TENM1: variants seen among roughly 807,000 people sequenced by gnomAD.
TENM1 encodes the protein teneurin-1.
TENM1 carries 35 observed loss-of-function variants against 174.8 expected under a neutral mutation model. The observed-to-expected ratio is 0.20, with a 90% CI of 0.15 to 0.27. The LOEUF (loss-of-function observed/expected upper bound fraction) is 0.27, where lower values mean the gene tolerates loss of function less well. Ranked by LOEUF, TENM1 falls within the 10% of genes least tolerant of loss-of-function variation. TENM1 has a pLI of 1.00. For synonymous variants in TENM1, 781 were observed against 798.7 expected (o/e 0.98, Z 0.37); for missense variants, 1,633 against 2,130.1 (o/e 0.77, Z 4.59).
At chrX:124,885,472 TA>T (rs1215825277) in intron 3 of TENM1, among the ~76,000 whole-genome samples, 2 of 111,018 alleles carry the variant, frequency 1.8e-5, no homozygotes, top group African/African-American at 3.3e-5. Flanking sequence ...TATAGTTAAT[TA>T]TGTTACATCT....
the TENM1 span, among the ~76,000 whole-genome samples, chrX:125,124,380 G>T: frequency 8.9e-6 from 1 of 111,842 alleles, no homozygotes; most frequent in African/African-American, 3.2e-5. Context: ...TTTTAAAAAT[G>T]ACTATGACTG....
chrX:124,690,159 C>G (rs1187395705), intron 5 of TENM1, among the ~76,000 whole-genome samples: 1 of 111,185 alleles, frequency 9.0e-6, no homozygotes, highest in Non-Finnish European at 1.9e-5. Context: ...CAATTACCAC[C>G]ATTCTTCTTT....
At chrX:125,056,701 A>C in the TENM1 span, among the ~76,000 whole-genome samples, 1 of 111,676 alleles carries the variant, frequency 9.0e-6, no homozygotes, top group Admixed American at 9.6e-5. Flanking sequence ...CCAGCACAGT[A>C]GAATTCATAC....
intron 29 of TENM1, 29 bp downstream of exon 32, chrX:124,385,648 G>A: frequency 8.6e-7 from 1 of 1,163,093 alleles, no homozygotes; most frequent in East Asian, 3.0e-5. Context: ...TGATGTTGTT[G>A]TACACACCAC....
At chrX:124,925,394 T>C (rs1011520327) in intron 1 of TENM1, among the ~76,000 whole-genome samples, 7 of 111,449 alleles carry the variant, frequency 6.3e-5, no homozygotes, top group African/African-American at 2.3e-4. Context: ...TGATTCCACA[T>C]TGGCAGAATT....
the TENM1 span, among the ~76,000 whole-genome samples, chrX:125,088,490 C>T: frequency 9.0e-6 from 1 of 110,815 alleles, no homozygotes; most frequent in Admixed American, 9.6e-5. Context: ...AGGGGAAACT[C>T]CATGGAATGG....
chrX:124,916,088 T>A (rs2057918501), intron 1 of TENM1, among the ~76,000 whole-genome samples: 1 of 111,640 alleles, frequency 9.0e-6, no homozygotes, highest in Non-Finnish European at 1.9e-5. Context: ...CTTACAGTGA[T>A]TCCCCCAGTG....
intron 23 of TENM1, among the ~76,000 whole-genome samples, chrX:124,441,708 ATTG>A (rs2060904126): frequency 8.9e-6 from 1 of 112,415 alleles, no homozygotes; most frequent in Admixed American, 9.4e-5. Flanking sequence ...TTGCTGCTCT[ATTG>A]TTGTGGTCCA....
At chrX:125,099,222 T>G in the TENM1 span, among the ~76,000 whole-genome samples, 23 of 111,862 alleles carry the variant, frequency 2.1e-4, no homozygotes, top group Non-Finnish European at 4.1e-4. Flanking sequence ...TCTGTTTGGG[T>G]TTTTTTGTAT....
chrX:124,754,063 G>C (rs2054159379), intron 3 of TENM1, among the ~76,000 whole-genome samples: 1 of 111,593 alleles, frequency 9.0e-6, no homozygotes, highest in Admixed American at 9.5e-5. Context: ...AGAAGGAATG[G>C]TACCAGTTCC....
intron 1 of TENM1, among the ~76,000 whole-genome samples, chrX:124,947,465 T>C (rs766501381): frequency 2.7e-5 from 3 of 111,816 alleles, no homozygotes; most frequent in Non-Finnish European, 5.7e-5. Context: ...TCCTTCTCCA[T>C]GCCTCAATTT....
At chrX:124,564,186 G>C (rs915275092) in intron 12 of TENM1, among the ~76,000 whole-genome samples, 10 of 111,545 alleles carry the variant, frequency 9.0e-5, no homozygotes, top group Non-Finnish European at 1.5e-4. Context: ...TAAACTTACT[G>C]TAGTACAGGA....
the TENM1 span, among the ~76,000 whole-genome samples, chrX:125,042,457 C>T: frequency 9.0e-6 from 1 of 111,584 alleles, no homozygotes; most frequent in Non-Finnish European, 1.9e-5. Context: ...AATCTTGAGA[C>T]ATGCCTTTGT....
the TENM1 span, among the ~76,000 whole-genome samples, chrX:125,103,872 G>A: frequency 8.9e-6 from 1 of 111,755 alleles, no homozygotes; most frequent in Admixed American, 9.5e-5. Flanking sequence ...TGTAGTCCCA[G>A]CTACTCAAGA....
exon 32 of TENM1, chrX:124,380,977 C>T: frequency 1.7e-6 from 2 of 1,211,610 alleles, no homozygotes; most frequent in East Asian, 3.0e-5. Flanking sequence ...CCTCCAGAGA[C>T]CCAAGCTTAA....
intron 3 of TENM1, among the ~76,000 whole-genome samples, chrX:124,878,445 G>T (rs772994039): frequency 2.5e-4 from 27 of 109,593 alleles, no homozygotes; most frequent in Admixed American, 3.9e-4. Context: ...GGTGCCTATA[G>T]GGAGGTATTT....
chrX:124,833,777 T>G (rs16998123), intron 3 of TENM1, among the ~76,000 whole-genome samples: 2,498 of 111,279 alleles, frequency 0.022, 71 homozygotes, highest in African/African-American at 0.077. Flanking sequence ...TGGGAGTTAC[T>G]GTAGATTATG....
At chrX:124,476,392 C>A (rs938736797) in intron 22 of TENM1, among the ~76,000 whole-genome samples, 11 of 111,798 alleles carry the variant, frequency 9.8e-5, no homozygotes, top group African/African-American at 3.3e-4. Context: ...AGATGAATCC[C>A]GTAAGGTTAG....
the TENM1 span, among the ~76,000 whole-genome samples, chrX:125,063,638 T>C: frequency 1.8e-5 from 2 of 111,420 alleles, no homozygotes; most frequent in African/African-American, 6.5e-5. Flanking sequence ...GTTAGAATGG[T>C]GATCATTAAA....
Sources: gnomAD v4.1 joint callset for allele counts (sites outside exome capture counted in the v4.1 genomes callset) on GRCh38, gnomAD v4.1.1 for gene constraint, MANE v1.5 for transcripts, NCBI Gene and HGNC (gene_info 2026-07-23, HGNC 2026-07-21) for gene names.